The following SVEP1 variants were observed in gnomAD, a reference collection of about 807,000 sequenced individuals.
SVEP1 encodes the protein sushi, von Willebrand factor type A, EGF and pentraxin domain-containing protein 1.
A neutral mutation model predicts 367.3 loss-of-function variants in SVEP1; 164 were observed. The ratio of observed to expected loss-of-function variants is 0.45; its 90% CI spans 0.39 to 0.51. The LOEUF is 0.51. Among genes scored for constraint, SVEP1 ranks in the 20% least tolerant of loss-of-function variants. The pLI is 0.00. For synonymous variants in SVEP1, 1,666 were observed against 1,611.6 expected (o/e 1.03, Z -0.81); for missense variants, 4,117 against 4,425.3 (o/e 0.93, Z 1.98).
chr9:110,566,351 TAAATAAA>T (rs2118876957), intron 1 of SVEP1, among the ~76,000 whole-genome samples: 1 of 148,224 alleles, frequency 6.7e-6, no homozygotes, highest in South Asian at 2.1e-4. Context: ...AATAAATAAA[TAAATAAA>T]TAAATAAATA....
At chr9:110,515,133 T>C (rs1279728128) in intron 3 of SVEP1, among the ~76,000 whole-genome samples, 1 of 152,210 alleles carries the variant, frequency 6.6e-6, no homozygotes, top group Non-Finnish European at 1.5e-5. Context: ...TCTGGAGTTA[T>C]GCATCTGTAA....
intron 40 of SVEP1, among the ~76,000 whole-genome samples, chr9:110,396,790 C>A (rs1269002436): frequency 6.6e-6 from 1 of 151,914 alleles, no homozygotes. Context: ...AAGACTAAAC[C>A]AGGAAGTAGT....
At chr9:110,523,878 GA>G (rs1190497004) in intron 3 of SVEP1, among the ~76,000 whole-genome samples, 2 of 150,302 alleles carry the variant, frequency 1.3e-5, no homozygotes, top group Non-Finnish European at 3.0e-5. Flanking sequence ...ATTAAAAACA[GA>G]AAAAAAAGAA....
At chr9:110,482,552 A>C in intron 10 of SVEP1, 60 bp from the exon 11 acceptor site, 1 of 1,536,410 alleles carries the variant, frequency 6.5e-7, no homozygotes, top group Non-Finnish European at 8.8e-7. Context: ...TTTTTGAAAC[A>C]GTCTTACTCT....
intron 3 of SVEP1, among the ~76,000 whole-genome samples, chr9:110,533,439 A>G (rs558831700): frequency 2.4e-4 from 36 of 152,322 alleles, no homozygotes; most frequent in Admixed American, 9.8e-4. Flanking sequence ...GATTCATCCC[A>G]CTAACTGGTA....
At chr9:110,390,336 C>CTTATATAAGTATGTGTATATATATAT (rs1288152358) in intron 40 of SVEP1, among the ~76,000 whole-genome samples, 1 of 23,000 alleles carries the variant, frequency 4.3e-5, no homozygotes, top group Non-Finnish European at 7.1e-5. Context: ...TATATATACA[C>CTTATATAAGTATGTGTATATATATAT]ATACTTATAT....
At chr9:110,378,385 C>A (rs1019312254) in intron 44 of SVEP1, among the ~76,000 whole-genome samples, 6 of 152,178 alleles carry the variant, frequency 3.9e-5, no homozygotes, top group Non-Finnish European at 8.8e-5. Flanking sequence ...TCTTTTGAGG[C>A]TCATGCCATT....
intron 39 of SVEP1, 64 bp downstream of exon 39, chr9:110,404,263 A>G: frequency 6.7e-7 from 1 of 1,492,120 alleles, no homozygotes; most frequent in Non-Finnish European, 9.3e-7. Flanking sequence ...TATTATAGAT[A>G]CTGCTTGCTT....
chr9:110,388,134 G>A (rs1827554216), intron 41 of SVEP1, among the ~76,000 whole-genome samples: 1 of 151,880 alleles, frequency 6.6e-6, no homozygotes, highest in South Asian at 2.1e-4. Flanking sequence ...AAAATTATCA[G>A]AAGGTAAAAG....
At chr9:110,388,191 T>C (rs1211398647) in intron 41 of SVEP1, among the ~76,000 whole-genome samples, 1 of 152,136 alleles carries the variant, frequency 6.6e-6, no homozygotes, top group East Asian at 1.9e-4. Context: ...TTGTGGGGAA[T>C]AGAATAAATG....
In SVEP1 at chr9:110,496,833, T is replaced by C. The variant is rs1350292054; in HGVS notation, c.1782A>G (p.Lys594=). The change falls in exon 8 of 48, where the codon AAA becomes AAG. Residue 594 remains lysine (K), a synonymous_variant. Coordinates refer to ENST00000374469, the MANE Select transcript of SVEP1 (RefSeq NM_153366.4). ...ACCTTACCTTTTCACCAGAGTTGTC[T>C]TTAGCTGTTGGAATCTGCCAGGTAA... ...ANVTWQIPTA[K]DNSGEKVSVH... The C allele has an allele frequency of 1.9e-6, 3 of 1,556,002 alleles. No individual in the cohort carries two copies. The highest frequency in any genetic ancestry group is 2.6e-6 in the Non-Finnish European group (3 of 1,148,450).
intron 17 of SVEP1, among the ~76,000 whole-genome samples, chr9:110,468,625 G>A (rs1423906227): frequency 1.3e-5 from 2 of 152,188 alleles, no homozygotes; most frequent in African/African-American, 4.8e-5. Context: ...ATACATTGAA[G>A]AATCTGAACA....
At chr9:110,481,871 C>T (rs1413641880) in intron 11 of SVEP1, among the ~76,000 whole-genome samples, 2 of 151,986 alleles carry the variant, frequency 1.3e-5, no homozygotes, top group African/African-American at 4.8e-5. Context: ...TGCCACCATG[C>T]CTGGCTAATT....
intron 39 of SVEP1, among the ~76,000 whole-genome samples, chr9:110,404,116 T>C (rs1329650945): frequency 1.3e-5 from 2 of 152,224 alleles, no homozygotes; most frequent in Non-Finnish European, 2.9e-5. Context: ...ATATTTTACC[T>C]AACCCTGGCA....
intron 5 of SVEP1, among the ~76,000 whole-genome samples, chr9:110,507,822 T>A (rs761730430): frequency 6.6e-6 from 1 of 152,170 alleles, no homozygotes; most frequent in Non-Finnish European, 1.5e-5. Context: ...TGGAAAACCA[T>A]ATTAAACAAT....
At chr9:110,447,762 T>G (rs1828625237) in intron 24 of SVEP1, among the ~76,000 whole-genome samples, 1 of 152,218 alleles carries the variant, frequency 6.6e-6, no homozygotes, top group Non-Finnish European at 1.5e-5. Context: ...AGGAGATAAT[T>G]GCACAAGGTG....
chr9:110,479,646 G>C lies in SVEP1; in HGVS notation c.2476C>G (p.Leu826Val), dbSNP rs1739610840. Reference sequence around the variant, plus strand: ...CACTATTGATGTACCATTTTTCCCAGGGTCGTCTCAAATGCTTCAGAAAAC... The same window carrying C: ...CACTATTGATGTACCATTTTTCCCACGGTCGTCTCAAATGCTTCAGAAAAC... ...KKFSEAFETT[L>V]GKMVPSFCSD... The change falls in exon 13 of 48, where the codon CTG becomes GTG. Residue 826 changes from leucine (L) to valine (V), a missense_variant. By Grantham distance (32) the Leu-to-Val change is conservative. Transcript: ENST00000374469. 4 of 1,605,114 alleles carry C rather than the reference G, an allele frequency of 2.5e-6. No individual in the cohort carries two copies. The highest frequency in any genetic ancestry group is 2.5e-6 in the Non-Finnish European group (3 of 1,177,198).
chr9:110,456,283 G>A (rs182805064), intron 21 of SVEP1, among the ~76,000 whole-genome samples: 2 of 152,178 alleles, frequency 1.3e-5, no homozygotes, highest in East Asian at 3.9e-4. Context: ...TCTGGGGCTG[G>A]AGTCCAGCAA....
chr9:110,491,938 A>G (rs1327504740), intron 8 of SVEP1, among the ~76,000 whole-genome samples: 1 of 152,126 alleles, frequency 6.6e-6, no homozygotes, highest in Non-Finnish European at 1.5e-5. Flanking sequence ...TCATCACTTA[A>G]ACAAATCCCA....
Sources: allele counts gnomAD v4.1 joint callset (sites outside exome capture counted in the v4.1 genomes callset), GRCh38; gene constraint gnomAD v4.1.1; transcripts MANE v1.5; gene names NCBI Gene and HGNC (gene_info 2026-07-23, HGNC 2026-07-21).